The following DNAH5 variants were observed in gnomAD, a reference collection of about 807,000 sequenced individuals.
DNAH5 encodes axonemal beta dynein heavy chain 5.
DNAH5 carries 372 observed loss-of-function variants against 518.2 expected under a neutral mutation model. That is an observed-to-expected ratio of 0.72 (90% CI 0.66 to 0.78). The LOEUF (loss-of-function observed/expected upper bound fraction) is 0.78. Among genes scored for constraint, DNAH5 ranks in the 30% least tolerant of loss-of-function variants. The pLI is 0.00. For missense variants in DNAH5, 5,523 were observed against 5,687.0 expected (o/e 0.97, Z 0.93); for synonymous variants, 2,039 against 2,025.9 (o/e 1.01, Z -0.17).
Position 13,770,885 on chromosome 5 carries a change from C to T in DNAH5, c.9469G>A (p.Ala3157Thr). 2 of 1,614,056 alleles carry T rather than the reference C, an allele frequency of 1.2e-6. No individual in the cohort carries two copies. The highest frequency in any genetic ancestry group is 1.7e-6 in the Non-Finnish European group (2 of 1,179,964). Residue 3157 changes from alanine to threonine, a missense_variant, in exon 56 of 79, where the codon GCT becomes ACT. By Grantham distance (58) the Ala-to-Thr change is moderately conservative (BLOSUM62 0). Around this residue, in one of 3 missense-constraint regions of DNAH5, gnomAD observed 5,121 missense variants for 5,223.3 expected, o/e 0.98. Transcript: ENST00000265104. ...QCMGSFQDGV[A>T]EKCVDYFQRF... ...TGAAAATAATCAACACACTTCTCAG[C>T]CACCCCATCCTGGAAGGAGCCCATG...
At chr5:13,706,757 T>C (rs1742841071) in intron 76 of DNAH5, among the ~76,000 whole-genome samples, 1 of 152,222 alleles carries the variant, frequency 6.6e-6, no homozygotes, top group Non-Finnish European at 1.5e-5. Flanking sequence ...ACCGTATCTG[T>C]CTTTAGCACA....
chr5:13,846,567 T>C (rs1415129156), intron 31 of DNAH5, among the ~76,000 whole-genome samples: 1 of 152,082 alleles, frequency 6.6e-6, no homozygotes, highest in African/African-American at 2.4e-5. Flanking sequence ...AAATCTGAGC[T>C]ACATTCCTCA....
intron 34 of DNAH5, 42 bp from the exon 35 acceptor site, chr5:13,839,570 A>T (rs1276636587): frequency 6.5e-7 from 1 of 1,527,022 alleles, no homozygotes; most frequent in South Asian, 1.1e-5. Flanking sequence ...GATGAGAATC[A>T]CTCATTAAAT....
At chr5:13,987,155 C>T (rs1180929986) in intron 1 of DNAH5, among the ~76,000 whole-genome samples, 5 of 152,008 alleles carry the variant, frequency 3.3e-5, no homozygotes, top group African/African-American at 1.2e-4. Context: ...ATTGATTCTC[C>T]CTCCTCCCCT....
chr5:13,845,059 A>C, intron 31 of DNAH5, 66 bp from the exon 32 acceptor site: 2 of 1,491,318 alleles, frequency 1.3e-6, no homozygotes, highest in Non-Finnish European at 1.9e-6. Flanking sequence ...GGAATAAATT[A>C]ACCTGGATGG....
intron 15 of DNAH5, chr5:13,899,826 A>G (rs2151960409): frequency 4.6e-6 from 1 of 217,004 alleles, no homozygotes; most frequent in East Asian, 1.2e-4. Flanking sequence ...TCAAGCTCTC[A>G]TCTTCATCCT....
chr5:13,900,047 C>T lies in DNAH5; in HGVS notation c.2259+159G>A. The stretch of plus-strand genomic sequence containing the variant: ...CCTGCAAGACCTGTAACGGCCTGGC[C>T]CCAGCCAACTCTGCAGCTGCACCCC... On this transcript the variant is annotated intron_variant, in intron 15 of 78. Transcript: ENST00000265104. 4 of 676,780 alleles carry T rather than the reference C, an allele frequency of 5.9e-6. No homozygotes were observed. In the East Asian group the frequency reaches 1.1e-4, roughly 18 times the overall value. The allele number at this position is 676,780 out of a possible 1,614,324, so 41.9% of individuals were successfully genotyped here.
At chr5:13,898,818 T>C (rs1342965551) in intron 15 of DNAH5, 3 of 390,502 alleles carry the variant, frequency 7.7e-6, no homozygotes, top group Non-Finnish European at 1.4e-5. Context: ...TCAGATTCCA[T>C]GGCCGCATCT....
intron 28 of DNAH5, among the ~76,000 whole-genome samples, chr5:13,863,480 G>C (rs1233730044): frequency 6.6e-6 from 1 of 151,982 alleles, no homozygotes; most frequent in African/African-American, 2.4e-5. Context: ...TCTGTGGTCA[G>C]CACCTTCATC....
Position 13,871,776 on chromosome 5 carries a change from A to G in DNAH5, c.3397-11T>C. 1.2e-6 allele frequency: 2 copies of G among 1,610,202 alleles called. No individual in the cohort carries two copies. Among genetic ancestry groups the G allele is most frequent in the Non-Finnish European group, 1.7e-6 (2 of 1,176,680 alleles). The stretch of plus-strand genomic sequence containing the variant: ...GGATGTAATAACTTCCTGAATGCAA[A>G]TAACAGATTTATGTTAAGAAGGAAG... On this transcript the variant is annotated splice_polypyrimidine_tract_variant and intron_variant, in intron 22 of 78. Transcript: ENST00000265104.
chr5:13,741,802 A>T (rs998423648), intron 65 of DNAH5, among the ~76,000 whole-genome samples: 7 of 152,176 alleles, frequency 4.6e-5, no homozygotes, highest in African/African-American at 1.7e-4. Flanking sequence ...CATCAGGAAG[A>T]CATATGTTTG....
At chr5:13,749,282 C>G (rs1490222460) in intron 65 of DNAH5, among the ~76,000 whole-genome samples, 3 of 152,030 alleles carry the variant, frequency 2.0e-5, no homozygotes, top group Non-Finnish European at 1.5e-5. Context: ...TCTGGCTGAT[C>G]ATTTTGTAAG....
chr5:13,773,852 T>C (rs967127895), intron 55 of DNAH5, among the ~76,000 whole-genome samples: 1 of 151,224 alleles, frequency 6.6e-6, no homozygotes, highest in Non-Finnish European at 1.5e-5. Context: ...GCCAGCATTA[T>C]CCAGACAAAG....
chr5:13,727,814 G>A (rs1745959836), intron 69 of DNAH5, among the ~76,000 whole-genome samples, 158 bp from the exon 70 acceptor site: 1 of 152,094 alleles, frequency 6.6e-6, no homozygotes, highest in African/African-American at 2.4e-5. Flanking sequence ...GTTTGACAGT[G>A]TAAAATCTAA....
At chr5:14,006,837 T>A (rs1784753083) in intron 1 of DNAH5, among the ~76,000 whole-genome samples, 2 of 152,206 alleles carry the variant, frequency 1.3e-5, no homozygotes, top group South Asian at 4.1e-4. Flanking sequence ...TCTTTCTTAT[T>A]GATGATCACC....
At position 13,690,611 on chromosome 5, in the gene DNAH5, A is replaced by G. The variant is rs1740607799; in HGVS notation, c.*1373T>C. 1 of 152,192 alleles carries G rather than the reference A, an allele frequency of 6.6e-6. No individual in the cohort carries two copies. The highest frequency in any genetic ancestry group is 2.4e-5 in the African/African-American group (1 of 41,446). The allele number at this position is 152,192 out of a possible 1,614,324, so 9.4% of individuals were successfully genotyped here. A position where few individuals can be genotyped will look rare whatever the true frequency, so the allele number is the denominator to read the frequency against. ...TTGTCTCCCGGTATCCACCTACCAA[A>G]AACTGTTTATCCAAAAAAATGCAGT... On this transcript the variant is annotated 3_prime_UTR_variant, in exon 79 of 79. Coordinates refer to ENST00000265104, the MANE Select transcript of DNAH5 (RefSeq NM_001369.3).
chr5:13,803,117 C>G (rs1205402779), intron 47 of DNAH5, among the ~76,000 whole-genome samples: 1 of 152,062 alleles, frequency 6.6e-6, no homozygotes, highest in African/African-American at 2.4e-5. Context: ...TAGCTCTATA[C>G]ACTAGCACCT....
chr5:13,928,056 A>G (rs1289038028), intron 3 of DNAH5, 38 bp downstream of exon 3: 3 of 1,520,730 alleles, frequency 2.0e-6, no homozygotes, highest in South Asian at 2.2e-5. Flanking sequence ...TAAATCTAAT[A>G]ACACATTTCT....
At chr5:13,896,276 A>T (rs1265854545) in intron 15 of DNAH5, among the ~76,000 whole-genome samples, 1 of 152,018 alleles carries the variant, frequency 6.6e-6, no homozygotes, top group Non-Finnish European at 1.5e-5. Flanking sequence ...TTCTAGAAAG[A>T]TCTACCCGAT....
Sources: gnomAD v4.1 joint callset for allele counts (sites outside exome capture counted in the v4.1 genomes callset) on GRCh38, gnomAD v4.1.1 for gene constraint, gnomAD v4.1.1 regional missense constraint, MANE v1.5 for transcripts, NCBI Gene and HGNC (gene_info 2026-07-23, HGNC 2026-07-21) for gene names.